PREP: variants seen among roughly 807,000 people sequenced by gnomAD.
PREP encodes prolyl endopeptidase.
PREP carries 29 observed loss-of-function variants against 87.6 expected under a neutral mutation model. The ratio of observed to expected loss-of-function variants is 0.33; its 90% confidence interval spans 0.25 to 0.45. The LOEUF (loss-of-function observed/expected upper bound fraction) is 0.45. Ranked by LOEUF, PREP falls within the 20% of genes least tolerant of loss-of-function variation. The pLI, the probability that PREP is intolerant of heterozygous loss-of-function variation, is 1.00. For missense variants in PREP, 695 were observed against 886.5 expected (o/e 0.78, Z 2.74); for synonymous variants, 337 against 328.6 (o/e 1.03, Z -0.28).
At chr6:105,282,183 C>G (rs192509947) in intron 13 of PREP, among the ~76,000 whole-genome samples, 27 of 152,318 alleles carry the variant, frequency 1.8e-4, no homozygotes, top group Non-Finnish European at 3.4e-4. Context: ...GTATCCCCTC[C>G]TCCCATCCCC....
chr6:105,327,210 C>T (rs979561575), intron 9 of PREP, among the ~76,000 whole-genome samples: 1 of 152,094 alleles, frequency 6.6e-6, no homozygotes, highest in East Asian at 1.9e-4. Context: ...TAACTGTGGG[C>T]CCTGCAGCAG....
chr6:105,349,938 G>A (rs951434663), intron 7 of PREP, among the ~76,000 whole-genome samples: 15 of 141,166 alleles, frequency 1.1e-4, no homozygotes, highest in African/African-American at 4.3e-4. Flanking sequence ...AAAGATCCTA[G>A]GAGTTAGTCA....
At chr6:105,367,529 G>T (rs532645551) in intron 6 of PREP, among the ~76,000 whole-genome samples, 2 of 151,936 alleles carry the variant, frequency 1.3e-5, no homozygotes, top group Non-Finnish European at 2.9e-5. Context: ...AAAATATGCC[G>T]GGCGTAGTGG....
chr6:105,380,686 A>T (rs1424867552), intron 2 of PREP, among the ~76,000 whole-genome samples: 1 of 152,278 alleles, frequency 6.6e-6, no homozygotes, highest in East Asian at 1.9e-4. Context: ...TCACCAGAAC[A>T]TTCTAGTCAG....
At chr6:105,315,322 C>A (rs543872807) in intron 10 of PREP, among the ~76,000 whole-genome samples, 13 of 152,238 alleles carry the variant, frequency 8.5e-5, no homozygotes, top group Middle Eastern at 6.8e-3. Context: ...TGCCACCATG[C>A]TTGGCTAATT....
chr6:105,333,401 T>G lies in PREP; in HGVS notation c.928A>C (p.Asn310His). ...FTFKTNRQSP[N>H]YRVINIDFRD... ...AAGTCAATGTTGATCACGCGATAGT[T>G]GGGAGACTGGCGATTCGTCTTGAAT... Residue 310 changes from asparagine (N) to histidine (H), a missense_variant, in exon 8 of 15, where the codon AAC becomes CAC. This residue lies in a region of PREP where 517 missense variants were observed against 620.3 expected (regional missense o/e 0.83). Coordinates refer to ENST00000652536, the MANE Select transcript of PREP (RefSeq NM_002726.5). 1 of 1,614,162 alleles carries G rather than the reference T, an allele frequency of 6.2e-7. No individual in the cohort carries two copies. Among genetic ancestry groups the G allele is most frequent in the Non-Finnish European group, 8.5e-7 (1 of 1,180,006 alleles).
At chr6:105,389,322 G>C (rs1305789422) in intron 2 of PREP, among the ~76,000 whole-genome samples, 2 of 152,076 alleles carry the variant, frequency 1.3e-5, no homozygotes, top group African/African-American at 2.4e-5. Flanking sequence ...CAGGTAGCTT[G>C]CTACGGTCAT....
chr6:105,311,656 A>G (rs1163755888), intron 10 of PREP, among the ~76,000 whole-genome samples: 2 of 152,250 alleles, frequency 1.3e-5, no homozygotes, highest in African/African-American at 4.8e-5. Context: ...GGGCAAAGAC[A>G]ACATCTCTTC....
At chr6:105,317,905 C>T (rs893885122) in intron 10 of PREP, among the ~76,000 whole-genome samples, 1 of 152,246 alleles carries the variant, frequency 6.6e-6, no homozygotes, top group Non-Finnish European at 1.5e-5. Context: ...GCCTCCTTAA[C>T]AGGTGCTTCT....
chr6:105,347,531 G>A (rs6905641), intron 7 of PREP, among the ~76,000 whole-genome samples: 45,225 of 152,082 alleles, frequency 0.3, 8,509 homozygotes, highest in African/African-American at 0.54. Context: ...ATTTAGAAAT[G>A]TATCCCTGAG....
intron 7 of PREP, among the ~76,000 whole-genome samples, chr6:105,340,157 C>T (rs1373900592): frequency 1.3e-5 from 2 of 152,084 alleles, no homozygotes; most frequent in African/African-American, 4.8e-5. Context: ...GTCGGGTAAC[C>T]CACAAAGGGA....
At chr6:105,343,674 C>T (rs529187597) in intron 7 of PREP, among the ~76,000 whole-genome samples, 76 of 122,002 alleles carry the variant, frequency 6.2e-4, no homozygotes, top group Non-Finnish European at 1.0e-3. Context: ...CTTAAATTTA[C>T]AATAAAAAAA....
At chr6:105,374,632 TTATATATA>T (rs61452752) in intron 4 of PREP, among the ~76,000 whole-genome samples, 3 of 91,852 alleles carry the variant, frequency 3.3e-5, no homozygotes, top group Non-Finnish European at 7.4e-5. Context: ...TTTGAATTGT[TTATATATA>T]TATATATATA....
intron 2 of PREP, among the ~76,000 whole-genome samples, chr6:105,384,440 C>G (rs938919178): frequency 6.6e-6 from 1 of 152,178 alleles, no homozygotes; most frequent in East Asian, 1.9e-4. Flanking sequence ...CTTTCTCCAT[C>G]AGATCGTATC....
intron 1 of PREP, 33 bp downstream of exon 1, chr6:105,402,814 G>T: frequency 6.5e-7 from 1 of 1,531,084 alleles, no homozygotes. Context: ...ACCTTTGCCC[G>T]GGAGCCCTCT....
intron 6 of PREP, among the ~76,000 whole-genome samples, chr6:105,363,535 C>G (rs940503791): frequency 1.3e-5 from 2 of 152,132 alleles, no homozygotes; most frequent in Non-Finnish European, 2.9e-5. Context: ...CATGTTACAC[C>G]CCAGGGGCAC....
At chr6:105,394,489 A>T (rs1773238889) in intron 2 of PREP, among the ~76,000 whole-genome samples, 1 of 152,238 alleles carries the variant, frequency 6.6e-6, no homozygotes, top group African/African-American at 2.4e-5. Context: ...TACAAAATAT[A>T]TAAAATAACC....
intron 10 of PREP, among the ~76,000 whole-genome samples, chr6:105,320,971 T>C (rs765148639): frequency 1.3e-5 from 2 of 152,202 alleles, no homozygotes; most frequent in Non-Finnish European, 2.9e-5. Context: ...CACGCTCTCA[T>C]TGCATGTCAA....
chr6:105,358,790 G>C (rs1772168431), intron 6 of PREP, among the ~76,000 whole-genome samples: 1 of 152,158 alleles, frequency 6.6e-6, no homozygotes, highest in African/African-American at 2.4e-5. Context: ...GGTCGTCAAT[G>C]AAAGGGGGAA....
Sources: gnomAD v4.1 joint callset for allele counts (sites outside exome capture counted in the v4.1 genomes callset) on GRCh38, gnomAD v4.1.1 for gene constraint, gnomAD v4.1.1 regional missense constraint, MANE v1.5 for transcripts, NCBI Gene and HGNC (gene_info 2026-07-23, HGNC 2026-07-21) for gene names.